The following QRFPR variants were observed in gnomAD, a reference collection of about 807,000 sequenced individuals.
QRFPR encodes the protein pyroglutamylated RFamide peptide receptor.
QRFPR carries 37 observed loss-of-function variants against 31.3 expected under a neutral mutation model. The ratio of observed to expected loss-of-function variants is 1.18; its 90% CI spans 0.91 to 1.56. QRFPR has a LOEUF of 1.56. Among genes scored for constraint, QRFPR ranks in the 40% most tolerant of loss-of-function variants. QRFPR has a pLI of 0.00. For missense variants in QRFPR, 542 were observed against 532.5 expected, an observed-to-expected ratio of 1.02 and a Z score of -0.18; for synonymous variants, 197 against 192.0, an observed-to-expected ratio of 1.03 and a Z score of -0.22.
rs1725271894 is a variant in QRFPR, at chr4:121,329,251, T to G, written c.*63A>C. 2.3e-6 allele frequency: 3 copies of G among 1,282,268 alleles called. No homozygotes were observed. In the East Asian group the frequency reaches 7.0e-5, roughly 30 times the overall value. The allele number at this position is 1,282,268 out of a possible 1,614,324, so 79.4% of individuals were successfully genotyped here. A position where few individuals can be genotyped will look rare whatever the true frequency, so the allele number is the denominator to read the frequency against. On this transcript the variant is annotated 3_prime_UTR_variant, in exon 6 of 6. Coordinates refer to ENST00000394427, the MANE Select transcript of QRFPR (RefSeq NM_198179.3). ...AATAAAAAGAGTATTTGACCTTTGC[T>G]CAAAATAATTTTCTCTTTGGGTTAC...
chr4:121,331,102 C>A (rs570364660), intron 4 of QRFPR, among the ~76,000 whole-genome samples: 39 of 147,014 alleles, frequency 2.7e-4, no homozygotes, highest in Non-Finnish European at 4.9e-4. Context: ...CGCATCTCTA[C>A]CAAAAAAAAA....
At chr4:121,345,905 G>T (rs1363892580) in intron 1 of QRFPR, among the ~76,000 whole-genome samples, 1 of 152,178 alleles carries the variant, frequency 6.6e-6, no homozygotes, top group Non-Finnish European at 1.5e-5. Flanking sequence ...ATTCACTTTA[G>T]TGTGTAACAG....
intron 1 of QRFPR, among the ~76,000 whole-genome samples, chr4:121,365,228 C>T (rs537912928): frequency 3.4e-5 from 5 of 146,524 alleles, no homozygotes; most frequent in South Asian, 2.2e-4. Flanking sequence ...AAGCTGTGGG[C>T]GGATCATGAG....
At chr4:121,345,014 T>C (rs144491082) in intron 1 of QRFPR, among the ~76,000 whole-genome samples, 11 of 152,374 alleles carry the variant, frequency 7.2e-5, no homozygotes, top group African/African-American at 2.6e-4. Context: ...AGTATCACAG[T>C]TGTGCTTCTT....
At chr4:121,356,322 T>A (rs1229847023) in intron 1 of QRFPR, among the ~76,000 whole-genome samples, 4 of 152,214 alleles carry the variant, frequency 2.6e-5, no homozygotes, top group African/African-American at 4.8e-5. Flanking sequence ...TCCTTCTCTG[T>A]GTTATCTTGA....
intron 3 of QRFPR, among the ~76,000 whole-genome samples, chr4:121,334,110 C>T (rs1308786384): frequency 1.3e-5 from 2 of 152,142 alleles, no homozygotes; most frequent in Non-Finnish European, 2.9e-5. Flanking sequence ...ATTCCAACTC[C>T]ATGGAAGCAA....
chr4:121,366,277 G>A (rs761141881), intron 1 of QRFPR, among the ~76,000 whole-genome samples: 2 of 149,840 alleles, frequency 1.3e-5, no homozygotes, highest in South Asian at 4.2e-4. Context: ...AAAAAATTAA[G>A]ATTTTTTTTT....
intron 1 of QRFPR, among the ~76,000 whole-genome samples, chr4:121,367,317 A>AT (rs1286565308): frequency 6.7e-6 from 1 of 149,674 alleles, no homozygotes; most frequent in East Asian, 2.0e-4. Flanking sequence ...GTCCCAACAA[A>AT]TTTTTTTTAA....
intron 1 of QRFPR, among the ~76,000 whole-genome samples, chr4:121,360,429 T>C (rs920498648): frequency 3.9e-5 from 6 of 152,154 alleles, no homozygotes; most frequent in African/African-American, 1.4e-4. Context: ...GAACAAAGCA[T>C]TATCACTTCG....
chr4:121,378,986 G>A (rs148048013), intron 1 of QRFPR, among the ~76,000 whole-genome samples: 94 of 152,210 alleles, frequency 6.2e-4, no homozygotes, highest in African/African-American at 2.0e-3. Flanking sequence ...ACCAAGTTCC[G>A]TATGATGATC....
intron 1 of QRFPR, among the ~76,000 whole-genome samples, chr4:121,372,355 G>A (rs1579591609): frequency 1.3e-5 from 2 of 152,310 alleles, no homozygotes; most frequent in Non-Finnish European, 2.9e-5. Flanking sequence ...CTACCGGGAA[G>A]TATTCTCTCT....
At chr4:121,357,167 G>A (rs1725886348) in intron 1 of QRFPR, among the ~76,000 whole-genome samples, 2 of 152,080 alleles carry the variant, frequency 1.3e-5, no homozygotes, top group Admixed American at 1.3e-4. Context: ...CAACAGGGCT[G>A]TGTTCTTTCT....
chr4:121,344,949 G>C (rs925583262), intron 1 of QRFPR, among the ~76,000 whole-genome samples: 1 of 152,102 alleles, frequency 6.6e-6, no homozygotes, highest in Admixed American at 6.5e-5. Context: ...CCCTGCATAG[G>C]AACTGTTTAC....
At chr4:121,377,954 A>T (rs1395355117) in intron 1 of QRFPR, among the ~76,000 whole-genome samples, 1 of 152,096 alleles carries the variant, frequency 6.6e-6, no homozygotes, top group African/African-American at 2.4e-5. Context: ...TGCGCAAGTT[A>T]ATTCTATTTT....
chr4:121,356,927 G>T (rs1175923688), intron 1 of QRFPR, among the ~76,000 whole-genome samples: 5 of 152,004 alleles, frequency 3.3e-5, no homozygotes, highest in Non-Finnish European at 5.9e-5. Context: ...CTGAGAGGGG[G>T]TCTATTCTTT....
At chr4:121,359,789 GTA>G (rs147439780) in intron 1 of QRFPR, among the ~76,000 whole-genome samples, 7 of 150,486 alleles carry the variant, frequency 4.7e-5, no homozygotes, top group African/African-American at 1.7e-4. Context: ...GTGTGTGTGT[GTA>G]TATGTGTGTG....
At chr4:121,369,490 T>A in intron 1 of QRFPR, 1 of 1,277,052 alleles carries the variant, frequency 7.8e-7, no homozygotes, top group Non-Finnish European at 1.1e-6. Flanking sequence ...GTGCCCGTGG[T>A]GGCTGTTTCC....
At chr4:121,331,295 C>T (rs1176657181) in intron 4 of QRFPR, among the ~76,000 whole-genome samples, 1 of 150,344 alleles carries the variant, frequency 6.7e-6, no homozygotes, top group Non-Finnish European at 1.5e-5. Flanking sequence ...AGTGATCCTC[C>T]CACCTCAGCC....
At chr4:121,338,119 G>A (rs539235905) in intron 2 of QRFPR, among the ~76,000 whole-genome samples, 1 of 152,148 alleles carries the variant, frequency 6.6e-6, no homozygotes, top group Non-Finnish European at 1.5e-5. Context: ...GGCAGCTGTA[G>A]GACTCACAAG....
Sources: allele counts gnomAD v4.1 joint callset (sites outside exome capture counted in the v4.1 genomes callset), GRCh38; gene constraint gnomAD v4.1.1; transcripts MANE v1.5; gene names NCBI Gene and HGNC (gene_info 2026-07-23, HGNC 2026-07-21).